Variants in TTC28 observed in about 807,000 individuals in gnomAD.
The protein encoded by TTC28 is tetratricopeptide repeat protein 28.
Under a neutral mutation model 198.0 loss-of-function variants are expected in TTC28, and 61 were observed. The observed-to-expected ratio is 0.31, with a 90% CI of 0.25 to 0.38. The LOEUF is 0.38. Among genes scored for constraint, TTC28 ranks in the 10% least tolerant of loss-of-function variants. TTC28 has a pLI of 1.00. For synonymous variants in TTC28, 1,171 were observed against 1,297.8 expected (o/e 0.90, Z 2.10); for missense variants, 2,678 against 3,164.0 (o/e 0.85, Z 3.69).
intron 8 of TTC28, among the ~76,000 whole-genome samples, chr22:28,101,782 TAAAAAAAAAAAAAAAAA>T (rs11459818): frequency 9.4e-5 from 5 of 53,128 alleles, no homozygotes; most frequent in South Asian, 6.5e-4. Context: ...CCATCTCTGT[TAAAAAAAAAAAAAAAAA>T]AAAAAAAAAA....
chr22:28,039,479 T>A (rs561493978), intron 12 of TTC28, among the ~76,000 whole-genome samples: 13 of 146,702 alleles, frequency 8.9e-5, no homozygotes, highest in Admixed American at 1.4e-4. Flanking sequence ...ATGAGAACAC[T>A]TGGACACAGG....
At chr22:28,320,286 CTT>C (rs1254613995) in intron 2 of TTC28, among the ~76,000 whole-genome samples, 1 of 148,388 alleles carries the variant, frequency 6.7e-6, no homozygotes, top group African/African-American at 2.5e-5. Context: ...TTTGGCATGA[CTT>C]TACACATTTC....
At chr22:28,544,106 A>G (rs1372747112) in intron 2 of TTC28, among the ~76,000 whole-genome samples, 2 of 152,188 alleles carry the variant, frequency 1.3e-5, no homozygotes, top group Non-Finnish European at 2.9e-5. Context: ...CTGTAATCCC[A>G]GCTGCTCGGG....
chr22:28,137,946 C>T lies in TTC28; in HGVS notation c.1441+25146G>A, dbSNP rs543474585. Among the ~76,000 whole-genome samples, 141 of 152,126 alleles carry T rather than the reference C, an allele frequency of 9.3e-4. 1 individual carries two copies. Among genetic ancestry groups the T allele is most frequent in the African/African-American group, 3.2e-3 (134 of 41,478 alleles). The stretch of plus-strand genomic sequence containing the variant: ...AGGAGAGGCACTTGAGCCCGGGAGG[C>T]AGAGGTTGCAGTGAGCCGAGATCGC... On this transcript the variant is annotated intron_variant, in intron 6 of 22. Coordinates refer to ENST00000397906, the MANE Select transcript of TTC28 (RefSeq NM_001145418.2).
In TTC28 at chr22:27,985,581, T is replaced by C. The variant is rs1601480495; in HGVS notation, c.5708-225A>G. 3 of 425,964 alleles carry C rather than the reference T, an allele frequency of 7.0e-6. No homozygotes were observed. The East Asian group carries it at 1.3e-4, about 18-fold the overall frequency. 26.4% of individuals were successfully genotyped at this position (425,964 alleles called of 1,614,324 possible). On this transcript the variant is annotated intron_variant, in intron 21 of 22. Transcript: ENST00000397906. ...CACTCTACGCAGCCCCCATTTGGCG[T>C]GTGTGTGGCTCTCACTGCCTGGCTC...
At chr22:28,423,414 A>C (rs995078872) in intron 2 of TTC28, among the ~76,000 whole-genome samples, 1 of 152,098 alleles carries the variant, frequency 6.6e-6, no homozygotes, top group Non-Finnish European at 1.5e-5. Context: ...AAGAAAAAAG[A>C]AAACAACAAC....
chr22:28,567,645 T>C (rs2146017294), intron 2 of TTC28, among the ~76,000 whole-genome samples: 1 of 151,394 alleles, frequency 6.6e-6, no homozygotes, highest in African/African-American at 2.4e-5. Flanking sequence ...TATCAAGAAT[T>C]AGGCAGAAGA....
intron 18 of TTC28, 74 bp downstream of exon 18, chr22:27,993,213 G>T: frequency 7.5e-7 from 1 of 1,328,840 alleles, no homozygotes. Flanking sequence ...TCATGAATGC[G>T]GGGCCCAAGG....
intron 2 of TTC28, among the ~76,000 whole-genome samples, chr22:28,563,160 CA>C (rs1303275468): frequency 6.6e-6 from 1 of 151,902 alleles, no homozygotes; most frequent in African/African-American, 2.4e-5. Context: ...AAAAAATATA[CA>C]AAAAATAGAA....
At chr22:28,621,743 A>T (rs1397867834) in intron 2 of TTC28, among the ~76,000 whole-genome samples, 3 of 111,110 alleles carry the variant, frequency 2.7e-5, no homozygotes, top group Non-Finnish European at 5.5e-5. Context: ...ACTGTCTCTT[A>T]AAAAAAAAAA....
chr22:28,079,811 C>T (rs562930985), intron 12 of TTC28, among the ~76,000 whole-genome samples: 78 of 152,266 alleles, frequency 5.1e-4, no homozygotes, highest in Non-Finnish European at 1.0e-3. Flanking sequence ...TCACTACAGC[C>T]TCGACCTCCC....
At chr22:28,414,116 G>A (rs1017803330) in intron 2 of TTC28, among the ~76,000 whole-genome samples, 3 of 151,988 alleles carry the variant, frequency 2.0e-5, no homozygotes, top group African/African-American at 2.4e-5. Context: ...TGTGTTGTAC[G>A]CACATTTGAA....
At chr22:28,100,432 A>AC (rs1942108509) in intron 9 of TTC28, among the ~76,000 whole-genome samples, 1 of 152,234 alleles carries the variant, frequency 6.6e-6, no homozygotes, top group Non-Finnish European at 1.5e-5. Flanking sequence ...CACAGGTTTT[A>AC]CTTTTTATAA....
intron 2 of TTC28, among the ~76,000 whole-genome samples, chr22:28,316,604 T>C (rs1372112914): frequency 1.3e-5 from 2 of 152,192 alleles, no homozygotes; most frequent in African/African-American, 4.8e-5. Flanking sequence ...ATTTATGTTT[T>C]CATTTTGATT....
At chr22:28,502,553 G>A (rs2048551697) in intron 2 of TTC28, among the ~76,000 whole-genome samples, 1 of 151,874 alleles carries the variant, frequency 6.6e-6, no homozygotes, top group Admixed American at 6.6e-5. Context: ...GAGGCTGAGG[G>A]AGGAGAATGG....
chr22:28,203,463 C>G (rs981414586), intron 5 of TTC28, among the ~76,000 whole-genome samples: 6 of 152,220 alleles, frequency 3.9e-5, no homozygotes, highest in South Asian at 2.1e-4. Flanking sequence ...TACAATGGCC[C>G]TAAGGTCCCC....
intron 2 of TTC28, among the ~76,000 whole-genome samples, chr22:28,586,245 T>A (rs567366800): frequency 3.8e-4 from 58 of 150,924 alleles, no homozygotes; most frequent in Non-Finnish European, 6.6e-4. Context: ...CACCACTACA[T>A]TCCAGCCTGG....
At chr22:28,372,874 AC>A (rs2046358907) in intron 2 of TTC28, among the ~76,000 whole-genome samples, 1 of 152,176 alleles carries the variant, frequency 6.6e-6, no homozygotes, top group Non-Finnish European at 1.5e-5. Flanking sequence ...TCATTTCCAA[AC>A]CTAGAAATGC....
At chr22:28,298,888 T>C (rs926873130) in intron 3 of TTC28, among the ~76,000 whole-genome samples, 2 of 152,212 alleles carry the variant, frequency 1.3e-5, no homozygotes, top group African/African-American at 4.8e-5. Flanking sequence ...CGGAAACCAG[T>C]AGCCCCCGAC....
Sources: gnomAD v4.1 joint callset for allele counts (sites outside exome capture counted in the v4.1 genomes callset) on GRCh38, gnomAD v4.1.1 for gene constraint, MANE v1.5 for transcripts, NCBI Gene and HGNC (gene_info 2026-07-23, HGNC 2026-07-21) for gene names.